The following ALX4 variants were observed in gnomAD, a reference collection of about 807,000 sequenced individuals.
ALX4 encodes ALX homeobox 4.
A neutral mutation model predicts 40.6 loss-of-function variants in ALX4; 22 were observed. The ratio of observed to expected loss-of-function variants is 0.54; its 90% CI spans 0.39 to 0.77. The LOEUF is 0.77. Ranked by LOEUF, ALX4 falls within the 30% of genes least tolerant of loss-of-function variation. The pLI is 0.00. For missense variants in ALX4, 556 were observed against 564.8 expected, an observed-to-expected ratio of 0.98 and a Z score of 0.16; for synonymous variants, 266 against 240.5, an observed-to-expected ratio of 1.11 and a Z score of -0.98.
Position 44,275,591 on chromosome 11 carries a change from G to A in ALX4, c.534C>T (p.Ser178=), listed in dbSNP as rs763754428. The A allele has an allele frequency of 6.2e-7, 1 of 1,613,934 alleles. No homozygotes were observed. Among genetic ancestry groups the A allele is most frequent in the Admixed American group, 1.7e-5 (1 of 60,004 alleles). Residue 178 remains serine (S), a synonymous_variant, in exon 2 of 4, where the codon AGC becomes AGT. Transcript: ENST00000652299. ...CCCCAGCCTCCTTGACACTCAGGTA[G>A]CTGCTGTCCATCCCCACAGTGTCAG... ...PDSDTVGMDS[S]YLSVKEAGVK... is the part of the protein sequence containing the mutation.
In ALX4 at chr11:44,267,514, G is replaced by C. The variant is rs753073089; in HGVS notation, c.886C>G (p.Arg296Gly). Reference protein sequence around the residue: ...STAYELPLLTRAENYAQIQNP... With the variant: ...STAYELPLLTGAENYAQIQNP... ...CTTACCTGGGCGTAGTTCTCAGCTC[G>C]GGTGAGGAGGGGCAGCTCATATGCA... The change falls in exon 3 of 4, where the codon CGA (arginine) becomes GGA (glycine). Residue 296 changes from arginine to glycine, a missense_variant. By Grantham distance (125) the Arg-to-Gly change is moderately radical. Transcript: ENST00000652299. The C allele has an allele frequency of 3.5e-5, 57 of 1,614,018 alleles. No homozygotes were observed. The highest frequency in any genetic ancestry group is 4.3e-5 in the Non-Finnish European group (51 of 1,180,026).
rs200169828 is a variant in ALX4, at chr11:44,267,631, C to T, written c.778-9G>A. On this transcript the variant is annotated splice_polypyrimidine_tract_variant and intron_variant, in intron 2 of 3. Transcript: ENST00000652299. ...CGGTTCTGGAACCAGACCTACAAGACGCGAAAAAGCCATTGTCACCAGGGT... is the reference window on the plus strand; with the variant it reads ...CGGTTCTGGAACCAGACCTACAAGATGCGAAAAAGCCATTGTCACCAGGGT... 6.7e-5 allele frequency: 108 copies of T among 1,614,110 alleles called. 1 individual carries two copies. Among genetic ancestry groups the T allele is most frequent in the Middle Eastern group, 1.6e-4 (1 of 6,062 alleles).
chr11:44,303,640 T>C (rs1181306855), intron 1 of ALX4, among the ~76,000 whole-genome samples: 1 of 152,186 alleles, frequency 6.6e-6, no homozygotes. Flanking sequence ...CATTCCTCTC[T>C]TTCCTCGGCG....
chr11:44,298,886 C>A (rs544215041), intron 1 of ALX4, among the ~76,000 whole-genome samples: 25 of 152,110 alleles, frequency 1.6e-4, no homozygotes, highest in Non-Finnish European at 3.5e-4. Flanking sequence ...GAAGGATGAA[C>A]GAAGAGAGAG....
chr11:44,266,948 C>T (rs1956216932), intron 3 of ALX4, among the ~76,000 whole-genome samples: 1 of 152,186 alleles, frequency 6.6e-6, no homozygotes, highest in African/African-American at 2.4e-5. Flanking sequence ...GAATTTAGAC[C>T]TTACAACTGC....
In ALX4 at chr11:44,265,054, C is replaced by T. The variant is rs751290539; in HGVS notation, c.1036G>A (p.Val346Ile). Residue 346 changes from valine (V) to isoleucine (I), a missense_variant, in exon 4 of 4, where the codon GTC becomes ATC. Val to Ile is a conservative substitution (Grantham distance 29, BLOSUM62 3). Coordinates refer to ENST00000652299, the MANE Select transcript of ALX4 (RefSeq NM_021926.4). ...CCAGACACACTCAGGAAGTCGGTGA[C>T]GCTGCTGGCCCCAGAGCCAGGGGGG... ...AHPPGSGASS[V>I]TDFLSVSGAG... The T allele has an allele frequency of 3.2e-5, 51 of 1,612,904 alleles. No individual in the cohort carries two copies. Among genetic ancestry groups the T allele is most frequent in the African/African-American group, 8.0e-5 (6 of 74,918 alleles).
rs151296316 is a variant in ALX4 at position 44,273,680 on chromosome 11, A to T, written c.777+1668T>A. ...AGAAGACAAAATAGGAGTTGGGCACAGTGTCTCATGCCTATAATCCCAGCA... is the reference window on the plus strand; with the variant it reads ...AGAAGACAAAATAGGAGTTGGGCACTGTGTCTCATGCCTATAATCCCAGCA... On this transcript the variant is annotated intron_variant, in intron 2 of 3. Coordinates refer to ENST00000652299, the MANE Select transcript of ALX4 (RefSeq NM_021926.4). Among the ~76,000 whole-genome samples, 502 of 152,308 alleles carry T rather than the reference A, an allele frequency of 3.3e-3. 1 individual carries two copies. Among genetic ancestry groups the T allele is most frequent in the African/African-American group, 0.011 (477 of 41,560 alleles).
intron 2 of ALX4, among the ~76,000 whole-genome samples, chr11:44,272,738 G>T (rs572372949): frequency 1.3e-5 from 2 of 152,146 alleles, no homozygotes; most frequent in South Asian, 4.2e-4. Context: ...GAACCCAGGA[G>T]GTGGAGGCCG....
chr11:44,296,947 T>G (rs909926105), intron 1 of ALX4, among the ~76,000 whole-genome samples: 1 of 149,166 alleles, frequency 6.7e-6, no homozygotes, highest in African/African-American at 2.5e-5. Context: ...AGGTGGAGAT[T>G]GCAGTGAGCT....
At chr11:44,304,444 C>A (rs1204257387) in intron 1 of ALX4, among the ~76,000 whole-genome samples, 1 of 152,154 alleles carries the variant, frequency 6.6e-6, no homozygotes, top group Non-Finnish European at 1.5e-5. Flanking sequence ...ACTCCCCTAC[C>A]CACCCACCTC....
rs775765158 is a variant in ALX4 at position 44,264,503 on chromosome 11, G to A, written c.*351C>T. On this transcript the variant is annotated 3_prime_UTR_variant, in exon 4 of 4. Coordinates refer to ENST00000652299, the MANE Select transcript of ALX4 (RefSeq NM_021926.4). Reference sequence around the variant, plus strand: ...GCTGCTGGGTCTGCATGGAAATCTAGCATTGACTCATGGTCAACTAGGCAG... The same window carrying A: ...GCTGCTGGGTCTGCATGGAAATCTAACATTGACTCATGGTCAACTAGGCAG... The A allele has an allele frequency of 2.1e-5, 7 of 331,454 alleles. No individual in the cohort carries two copies. Among genetic ancestry groups the A allele is most frequent in the Non-Finnish European group, 3.4e-5 (6 of 177,286 alleles). The allele number at this position is 331,454 out of a possible 1,614,324, so 20.5% of individuals were successfully genotyped here.
At chr11:44,283,903 GTCTC>G (rs146457179) in intron 1 of ALX4, among the ~76,000 whole-genome samples, 1 of 151,740 alleles carries the variant, frequency 6.6e-6, no homozygotes, top group South Asian at 2.1e-4. Context: ...CTTGTTTATT[GTCTC>G]TCTCTCTCTC....
chr11:44,286,674 GAGAT>G (rs1454461157), intron 1 of ALX4, among the ~76,000 whole-genome samples: 1 of 152,188 alleles, frequency 6.6e-6, no homozygotes, highest in Non-Finnish European at 1.5e-5. Flanking sequence ...AAGGGACAAA[GAGAT>G]GGATGGGGCG....
At chr11:44,265,302 TGA>T in intron 3 of ALX4, 119 bp from the exon 4 acceptor site, 2 of 1,028,178 alleles carry the variant, frequency 1.9e-6, no homozygotes, top group Non-Finnish European at 1.4e-6. Flanking sequence ...AAGCCCCTCT[TGA>T]GTGTTTAGCC....
In ALX4 at chr11:44,309,721, G is replaced by GCTGCTGC. The variant is rs1565013437; in HGVS notation, c.341_342insGCAGCAG (p.Pro116GlnfsTer44). ...AAAGATGCGGTTGCGCGGGCGGCTGGGGCTGCGGCTGCTGCTGCTGCGGCT... is the reference window on the plus strand; with the variant it reads ...AAAGATGCGGTTGCGCGGGCGGCTGGCTGCTGCGGCTGCGGCTGCTGCTGCTGCGGCT... On this transcript the variant is annotated frameshift_variant, in exon 1 of 4. Transcript: ENST00000652299. LOFTEE classifies it high-confidence loss of function. 4 of 1,568,444 alleles carry GCTGCTGC rather than the reference G, an allele frequency of 2.6e-6. No individual in the cohort carries two copies. The highest frequency in any genetic ancestry group is 3.5e-6 in the Non-Finnish European group (4 of 1,158,702).
intron 1 of ALX4, among the ~76,000 whole-genome samples, chr11:44,304,503 A>C (rs1450700535): frequency 6.6e-6 from 1 of 151,206 alleles, no homozygotes; most frequent in African/African-American, 2.4e-5. Flanking sequence ...CGCCCCCCCC[A>C]TGAATCATCC....
At chr11:44,292,652 T>C (rs1426407037) in intron 1 of ALX4, among the ~76,000 whole-genome samples, 1 of 152,228 alleles carries the variant, frequency 6.6e-6, no homozygotes, top group Non-Finnish European at 1.5e-5. Flanking sequence ...ATCTAAAGGA[T>C]AATTATACCT....
At chr11:44,285,815 T>TA (rs1406555824) in intron 1 of ALX4, among the ~76,000 whole-genome samples, 6 of 152,302 alleles carry the variant, frequency 3.9e-5, no homozygotes, top group African/African-American at 9.6e-5. Context: ...CCTTGCCTCT[T>TA]AAACACTGAA....
chr11:44,273,191 A>T (rs79759337), intron 2 of ALX4, among the ~76,000 whole-genome samples: 10 of 2,838 alleles, frequency 3.5e-3, no homozygotes, highest in Non-Finnish European at 0.01. Context: ...TTTGCTGATT[A>T]AAAAAAAAAA....
Sources: allele counts gnomAD v4.1 joint callset (sites outside exome capture counted in the v4.1 genomes callset), GRCh38; gene constraint gnomAD v4.1.1; transcripts MANE v1.5; gene names NCBI Gene and HGNC (gene_info 2026-07-23, HGNC 2026-07-21).